The following SHPRH variants were observed in gnomAD, a reference collection of about 807,000 sequenced individuals.
The protein encoded by SHPRH is E3 ubiquitin-protein ligase SHPRH.
Under a neutral mutation model 202.5 loss-of-function variants are expected in SHPRH, and 106 were observed. The ratio of observed to expected loss-of-function variants is 0.52; its 90% CI spans 0.45 to 0.62. The LOEUF (loss-of-function observed/expected upper bound fraction) is 0.62, where lower values mean the gene tolerates loss of function less well. SHPRH is among the 20% of genes least tolerant of loss of function. The pLI, the probability that SHPRH is intolerant of heterozygous loss-of-function variation, is 0.00. For synonymous variants in SHPRH, 729 were observed against 686.0 expected (o/e 1.06, Z -0.98); for missense variants, 1,710 against 2,020.0 (o/e 0.85, Z 2.94).
intron 11 of SHPRH, 71 bp downstream of exon 11, chr6:145,940,652 T>C (rs1011879307): frequency 4.8e-6 from 7 of 1,472,540 alleles, no homozygotes; most frequent in Middle Eastern, 1.7e-4. Context: ...AGGTTAAGCA[T>C]AACAATACTT....
intron 23 of SHPRH, chr6:145,917,868 A>C: frequency 3.4e-6 from 1 of 291,942 alleles, no homozygotes; most frequent in Non-Finnish European, 6.3e-6. Context: ...TACTTTTACT[A>C]TTCAAGGCTT....
intron 11 of SHPRH, among the ~76,000 whole-genome samples, chr6:145,937,647 T>C (rs1025609625): frequency 1.3e-5 from 2 of 152,160 alleles, no homozygotes; most frequent in African/African-American, 2.4e-5. Flanking sequence ...TAAAATTCTT[T>C]AACAAGGCAA....
intron 23 of SHPRH, among the ~76,000 whole-genome samples, chr6:145,915,158 T>C (rs982117942): frequency 1.4e-5 from 2 of 147,660 alleles, no homozygotes; most frequent in South Asian, 2.1e-4. Context: ...ATTATAAATA[T>C]ATAATTATAA....
intron 10 of SHPRH, 77 bp from the exon 11 acceptor site, chr6:145,940,878 GA>G (rs1441145467): frequency 7.1e-7 from 1 of 1,412,672 alleles, no homozygotes; most frequent in Middle Eastern, 1.8e-4. Context: ...GCATACTCAT[GA>G]AAAACAGCCC....
In SHPRH at chr6:145,943,647, T is replaced by C. The variant is rs1787042078; in HGVS notation, c.1734A>G (p.Lys578=). 1 of 1,613,914 alleles carries C rather than the reference T, an allele frequency of 6.2e-7. No homozygotes were observed. The highest frequency in any genetic ancestry group is 1.3e-5 in the African/African-American group (1 of 75,010). The change falls in exon 9 of 30, where the codon AAA becomes AAG. Residue 578 remains lysine, a synonymous_variant. Coordinates refer to ENST00000275233, the MANE Select transcript of SHPRH (RefSeq NM_001042683.3). ...CTTTTTTTGTGGATGGAACAAGCTT[T>C]TTCCTCAATTTACTGCGATTTCTCC... ...KSRRNRSKLR[K]KLVPSTKKGK...
At chr6:145,962,606 A>T (rs913542111) in intron 1 of SHPRH, among the ~76,000 whole-genome samples, 1 of 152,244 alleles carries the variant, frequency 6.6e-6, no homozygotes, top group Non-Finnish European at 1.5e-5. Flanking sequence ...TGAATAACAC[A>T]ACTTAAATTC....
intron 2 of SHPRH, among the ~76,000 whole-genome samples, chr6:145,869,421 G>C (rs1055529356): frequency 6.6e-6 from 1 of 152,236 alleles, no homozygotes; most frequent in East Asian, 1.9e-4. Flanking sequence ...CCAAACCCAA[G>C]GCGATCTAGA....
In SHPRH at chr6:145,885,563, T is replaced by C. The variant is rs1336383133; in HGVS notation, c.*1128A>G. On this transcript the variant is annotated 3_prime_UTR_variant, in exon 30 of 30. Transcript: ENST00000275233. ...AAAGGAAGCCAAATAAGAACATTTG[T>C]ATTACATCAAATGGCTAGGATGTAA... The C allele has an allele frequency of 2.0e-5, 3 of 152,206 alleles. No homozygotes were observed. Among genetic ancestry groups the C allele is most frequent in the Non-Finnish European group, 4.4e-5 (3 of 68,028 alleles). 9.4% of individuals were successfully genotyped at this position (152,206 alleles called of 1,614,324 possible).
intron 25 of SHPRH, chr6:145,908,449 T>G (rs1203350342): frequency 6.6e-6 from 1 of 152,204 alleles, no homozygotes; most frequent in African/African-American, 2.4e-5. Context: ...TTTTTAATAA[T>G]CGCCATTCTG....
intron 28 of SHPRH, among the ~76,000 whole-genome samples, chr6:145,888,475 C>T (rs1476161158): frequency 6.6e-6 from 1 of 152,110 alleles, no homozygotes. Context: ...ATGCCTGGAA[C>T]AAGCCTAACA....
At chr6:145,952,887 A>G (rs1003758165) in intron 2 of SHPRH, among the ~76,000 whole-genome samples, 1 of 152,060 alleles carries the variant, frequency 6.6e-6, no homozygotes, top group Non-Finnish European at 1.5e-5. Context: ...GGGCATCCTC[A>G]TTACTGAATC....
intron 25 of SHPRH, among the ~76,000 whole-genome samples, chr6:145,895,537 G>GA (rs577942648): frequency 1.4e-5 from 2 of 141,390 alleles, no homozygotes; most frequent in Non-Finnish European, 3.1e-5. Context: ...AAAACTGTGT[G>GA]TTTTTTTTTT....
intron 23 of SHPRH, among the ~76,000 whole-genome samples, chr6:145,916,328 A>C (rs914309766): frequency 7.9e-5 from 12 of 152,254 alleles, no homozygotes; most frequent in African/African-American, 2.9e-4. Context: ...TGCAATGCTC[A>C]CAGGAAATGC....
chr6:145,920,183 C>A (rs1404673293), intron 21 of SHPRH, among the ~76,000 whole-genome samples: 7 of 152,058 alleles, frequency 4.6e-5, no homozygotes, highest in Admixed American at 2.6e-4. Flanking sequence ...AGCAGGAGCT[C>A]ATTCAATTGC....
In SHPRH at chr6:145,945,531, A is replaced by G. The variant is rs1238829478; in HGVS notation, c.1428T>C (p.Val476=). The G allele has an allele frequency of 2.5e-6, 4 of 1,613,222 alleles. No homozygotes were observed. In the African/African-American group the frequency reaches 5.3e-5, roughly 22 times the overall value. Residue 476 remains valine, a synonymous_variant, in exon 8 of 30, where the codon GTT becomes GTC. Coordinates refer to ENST00000275233, the MANE Select transcript of SHPRH (RefSeq NM_001042683.3). ...KYVSSIYRYD[V]QRNRSLLKRM... ...GTTTCAAAAGACTCCTGTTCCGTTG[A>G]ACATCGTATCTATATATAGAACTGA...
At chr6:145,909,975 T>A (rs1583363636) in intron 25 of SHPRH, 1 of 152,470 alleles carries the variant, frequency 6.6e-6, no homozygotes, top group Admixed American at 6.5e-5. Flanking sequence ...GGAATATCAA[T>A]CTATGCTGTT....
At chr6:145,927,383 A>T (rs1287533040) in intron 14 of SHPRH, 106 bp from the exon 15 acceptor site, 1 of 1,041,510 alleles carries the variant, frequency 9.6e-7, no homozygotes, top group African/African-American at 1.6e-5. Flanking sequence ...AAATGTAATG[A>T]TTATAACTTT....
intron 11 of SHPRH, 63 bp downstream of exon 11, chr6:145,940,660 C>G: frequency 1.3e-6 from 2 of 1,526,596 alleles, no homozygotes; most frequent in Non-Finnish European, 1.8e-6. Flanking sequence ...CATAACAATA[C>G]TTTTCTCTCT....
chr6:145,873,719 G>A (rs1184594342), intron 2 of SHPRH, among the ~76,000 whole-genome samples: 2 of 145,922 alleles, frequency 1.4e-5, no homozygotes, highest in African/African-American at 5.1e-5. Context: ...AAGGAAGGGA[G>A]GGAGGGAGGG....
Sources: allele counts gnomAD v4.1 joint callset (sites outside exome capture counted in the v4.1 genomes callset), GRCh38; gene constraint gnomAD v4.1.1; transcripts MANE v1.5; gene names NCBI Gene and HGNC (gene_info 2026-07-23, HGNC 2026-07-21).